Variants in RAG1 observed in about 807,000 individuals in gnomAD.
RAG1 encodes the protein V(D)J recombination-activating protein 1.
Under a neutral mutation model 62.7 loss-of-function variants are expected in RAG1, and 35 were observed. The observed-to-expected ratio is 0.56, with a 90% CI of 0.43 to 0.74. RAG1 has a LOEUF of 0.74. Among genes scored for constraint, RAG1 ranks in the 30% least tolerant of loss-of-function variants. The pLI is 0.00. For missense variants in RAG1, 1,169 were observed against 1,278.6 expected (o/e 0.91, Z 1.31); for synonymous variants, 461 against 470.3 (o/e 0.98, Z 0.26).
chr11:36,539,890 G>C (rs1184416081), downstream of RAG1, among the ~76,000 whole-genome samples: 1 of 152,176 alleles, frequency 6.6e-6, no homozygotes, highest in Non-Finnish European at 1.5e-5. Context: ...GGTCTTCTAT[G>C]AATCTCCTCT....
intron 1 of RAG1, among the ~76,000 whole-genome samples, chr11:36,516,392 G>A (rs1237984203): frequency 6.6e-6 from 1 of 152,240 alleles, no homozygotes; most frequent in Non-Finnish European, 1.5e-5. Context: ...CGCGATCTCC[G>A]CTCGCTGCAA....
chr11:36,576,529 G>A lies in RAG1; in HGVS notation c.*93G>A. ...CCTAGCACCCTTTACTGCTGTGTAT[G>A]GGGCTTCACCATCCAAGAGGTGGTA... On this transcript the variant is annotated 3_prime_UTR_variant, in exon 2 of 2. Transcript: ENST00000299440. The A allele has an allele frequency of 6.9e-7, 1 of 1,452,142 alleles. No individual in the cohort carries two copies. The highest frequency in any genetic ancestry group is 9.6e-7 in the Non-Finnish European group (1 of 1,037,670). The allele number at this position is 1,452,142 out of a possible 1,614,324, so 90.0% of individuals were successfully genotyped here. A position where few individuals can be genotyped will look rare whatever the true frequency, so the allele number is the denominator to read the frequency against.
intron 2 of RAG1, among the ~76,000 whole-genome samples, chr11:36,526,354 A>G (rs1417051536): frequency 1.3e-5 from 2 of 150,578 alleles, no homozygotes; most frequent in Non-Finnish European, 2.9e-5. Context: ...TGTCCTTGTG[A>G]TAGTTTGCTG....
At chr11:36,542,759 A>G (rs11033689) in intron 3 of RAG1, among the ~76,000 whole-genome samples, 22,987 of 152,190 alleles carry the variant, frequency 0.15, 1,846 homozygotes, top group Admixed American at 0.2. Context: ...CTTGGTGTCA[A>G]TGGTTGTTGA....
At chr11:36,551,330 T>C (rs1850478137) in intron 3 of RAG1, among the ~76,000 whole-genome samples, 1 of 152,158 alleles carries the variant, frequency 6.6e-6, no homozygotes, top group Non-Finnish European at 1.5e-5. Context: ...ATTAGTTTTC[T>C]AGGGCTACCA....
Position 36,573,802 on chromosome 11 carries a change from T to C in RAG1, c.498T>C (p.Asp166=), listed in dbSNP as rs771503997. Residue 166 remains aspartate, a synonymous_variant, in exon 2 of 2, where the codon GAT becomes GAC. Coordinates refer to ENST00000299440, the MANE Select transcript of RAG1 (RefSeq NM_000448.3). ...TTTTCCGGATCGATGTGAAGGCAGA[T>C]GTTGACTCGATCCACCCCACTGAGT... ...AKVFRIDVKA[D]VDSIHPTEFC... 5.6e-6 allele frequency: 9 copies of C among 1,614,124 alleles called. No homozygotes were observed. In the Admixed American group the frequency reaches 1.5e-4, roughly 27 times the overall value.
intron 1 of RAG1, among the ~76,000 whole-genome samples, chr11:36,514,097 G>A (rs1322165608): frequency 6.6e-6 from 1 of 152,156 alleles, no homozygotes; most frequent in Non-Finnish European, 1.5e-5. Context: ...CCTTTAGAAA[G>A]GCTGCTGAGC....
intron 1 of RAG1, among the ~76,000 whole-genome samples, chr11:36,514,496 A>G (rs146308806): frequency 1.6e-3 from 246 of 152,298 alleles, no homozygotes; most frequent in African/African-American, 5.7e-3. Context: ...CATTACATTT[A>G]TTGCGCACTT....
At chr11:36,564,254 C>T (rs1850630048), upstream of RAG1, among the ~76,000 whole-genome samples, 1 of 152,162 alleles carries the variant, frequency 6.6e-6, no homozygotes, top group South Asian at 2.1e-4. Context: ...TCTGTGTTGT[C>T]TCTTGACCTT....
chr11:36,573,004 T>G (rs996067379), intron 1 of RAG1, among the ~76,000 whole-genome samples: 6 of 152,186 alleles, frequency 3.9e-5, no homozygotes, highest in African/African-American at 1.4e-4. Context: ...GAATCAAAGA[T>G]TCTGTCCTTA....
intron 2 of RAG1, among the ~76,000 whole-genome samples, chr11:36,524,903 T>C (rs1860136806): frequency 6.6e-6 from 1 of 152,210 alleles, no homozygotes; most frequent in Non-Finnish European, 1.5e-5. Flanking sequence ...TTTCATATCA[T>C]TTGCCCATTT....
chr11:36,511,577 A>C (rs1859923595), intron 1 of RAG1, among the ~76,000 whole-genome samples: 1 of 152,194 alleles, frequency 6.6e-6, no homozygotes, highest in Admixed American at 6.5e-5. Flanking sequence ...TTCTCTTTTT[A>C]AGAAGAATTT....
rs1270384287 is a variant in RAG1 at position 36,575,673 on chromosome 11, C to T, written c.2369C>T (p.Thr790Ile). The change falls in exon 2 of 2, where the codon ACA becomes ATA. Residue 790 changes from threonine to isoleucine, a missense_variant. This residue lies in a region of RAG1 where 800 missense variants were observed against 943.3 expected (regional missense o/e 0.85). Transcript: ENST00000299440. This position sits in a 1 kb window ranked among gnomAD's most constrained non-coding sequence, Gnocchi z 4.1. ...KGVSAKPFIE[T>I]VPSIDALHCD... ...GTCTCAGCTAAACCTTTCATTGAGA[C>T]AGTCCCTTCCATAGATGCACTCCAC... is the stretch of plus-strand genomic sequence containing the variant. The T allele has an allele frequency of 1.2e-6, 2 of 1,614,058 alleles. No homozygotes were observed. The highest frequency in any genetic ancestry group is 2.2e-5 in the East Asian group (1 of 44,900).
At chr11:36,572,432 C>G (rs753597072) in intron 1 of RAG1, among the ~76,000 whole-genome samples, 11 of 152,186 alleles carry the variant, frequency 7.2e-5, no homozygotes, top group Non-Finnish European at 1.2e-4. Flanking sequence ...TTACTCCCAC[C>G]TCTTCTTATT....
upstream of RAG1, among the ~76,000 whole-genome samples, chr11:36,567,096 C>T (rs1850671575): frequency 6.6e-6 from 1 of 152,184 alleles, no homozygotes; most frequent in Admixed American, 6.5e-5. Flanking sequence ...ACTATTACTA[C>T]AAAGTGGCTT....
chr11:36,571,525 A>G (rs1238056581), intron 1 of RAG1, among the ~76,000 whole-genome samples: 1 of 152,114 alleles, frequency 6.6e-6, no homozygotes, highest in Non-Finnish European at 1.5e-5. Context: ...GTATTGTTTA[A>G]CTCTTGCATA....
In RAG1 at chr11:36,525,989, G is replaced by A. The variant is rs555329439; in HGVS notation, n.428+5760G>A. ...TCTTGTCAGAGTTGTTAGAATGGTC[G>A]ATTACATTAACTGGGTTTTGAATAT... On this transcript the variant is annotated intron_variant and non_coding_transcript_variant, in intron 2 of 2. Coordinates refer to the RAG1 transcript ENST00000529126. 7.2e-5 allele frequency among the ~76,000 whole-genome samples: 11 copies of A among 152,244 alleles called. No individual in the cohort carries two copies. In the South Asian group the frequency reaches 1.5e-3, roughly 20 times the overall value.
intron 3 of RAG1, among the ~76,000 whole-genome samples, chr11:36,562,612 C>T (rs971461253): frequency 2.6e-5 from 4 of 152,008 alleles, no homozygotes; most frequent in Non-Finnish European, 5.9e-5. Flanking sequence ...AGAATGAAGC[C>T]CAATGAGTAT....
chr11:36,510,689 G>C (rs1208583964), upstream of RAG1: 1 of 152,234 alleles, frequency 6.6e-6, no homozygotes, highest in Admixed American at 6.5e-5. Context: ...AAGTTTCTGC[G>C]ATCCATAGAA....
Sources: gnomAD v4.1 joint callset for allele counts (sites outside exome capture counted in the v4.1 genomes callset) on GRCh38, gnomAD v4.1.1 for gene constraint, gnomAD v4.1.1 regional missense constraint, Gnocchi (gnomAD v3.1) non-coding constraint, MANE v1.5 for transcripts, NCBI Gene and HGNC (gene_info 2026-07-23, HGNC 2026-07-21) for gene names.